The following SUMO2 variants were observed in gnomAD, a reference collection of about 807,000 sequenced individuals.
The protein encoded by SUMO2 is small ubiquitin-related modifier 2.
SUMO2 carries 1 observed loss-of-function variant against 16.0 expected under a neutral mutation model. The observed-to-expected ratio is 0.06, with a 90% CI of 0.02 to 0.30. The LOEUF (loss-of-function observed/expected upper bound fraction) is 0.30, where lower values mean the gene tolerates loss of function less well. SUMO2 is among the 10% of genes least tolerant of loss of function. The probability of loss-of-function intolerance (pLI) is 1.00; values close to 1 mark genes in which losing one functional copy is unlikely to be tolerated. For missense variants in SUMO2, 16 were observed against 117.5 expected (o/e 0.14, Z 3.99); for synonymous variants, 36 against 40.6 (o/e 0.89, Z 0.43).
rs564712196 is a variant in SUMO2, at chr17:75,170,882, A to T, written c.226-2481T>A. The stretch of plus-strand genomic sequence containing the variant: ...AAAAAAAAAAAAACCCAAATTAATA[A>T]AACATAGTATGCTCAGATATTAAAT... On this transcript the variant is annotated intron_variant, in intron 3 of 3. Coordinates refer to ENST00000420826, the MANE Select transcript of SUMO2 (RefSeq NM_006937.4). Among the ~76,000 whole-genome samples the T allele has an allele frequency of 1.8e-3, 280 of 151,982 alleles. 3 individuals are homozygous for T. Among genetic ancestry groups the T allele is most frequent in the African/African-American group, 6.4e-3 (265 of 41,488 alleles).
chr17:75,177,161 A>G (rs374915086), intron 2 of SUMO2, among the ~76,000 whole-genome samples: 1 of 149,342 alleles, frequency 6.7e-6, no homozygotes, highest in South Asian at 2.1e-4. Context: ...CAAGAGCGAG[A>G]CTCTTGTCTC....
intron 2 of SUMO2, among the ~76,000 whole-genome samples, chr17:75,178,446 AG>A (rs2074801135): frequency 6.7e-6 from 1 of 148,632 alleles, no homozygotes; most frequent in South Asian, 2.2e-4. Flanking sequence ...CCCAGGAGGC[AG>A]AGGTTGCAGT....
intron 3 of SUMO2, among the ~76,000 whole-genome samples, chr17:75,168,609 TTTTTG>T (rs1370488648): frequency 6.6e-6 from 1 of 151,144 alleles, no homozygotes; most frequent in Admixed American, 6.6e-5. Flanking sequence ...AGATAAAACT[TTTTTG>T]TTTTTTTTTT....
rs1437006806 is a variant in SUMO2, at chr17:75,168,193, G to A, written c.*146C>T. Reference sequence around the variant, plus strand: ...ACCAGTTACTTTATGTACAATAAAGGAATGGGGAAGGGGGAAATGAAAGAA... The same window carrying A: ...ACCAGTTACTTTATGTACAATAAAGAAATGGGGAAGGGGGAAATGAAAGAA... On this transcript the variant is annotated 3_prime_UTR_variant, in exon 4 of 4. Coordinates refer to ENST00000420826, the MANE Select transcript of SUMO2 (RefSeq NM_006937.4). The A allele has an allele frequency of 6.2e-6, 4 of 644,932 alleles. No individual in the cohort carries two copies. Among genetic ancestry groups the A allele is most frequent in the Middle Eastern group, 4.6e-4 (1 of 2,196 alleles). The allele number at this position is 644,932 out of a possible 1,614,324, so 40.0% of individuals were successfully genotyped here. A position where few individuals can be genotyped will look rare whatever the true frequency, so the allele number is the denominator to read the frequency against.
At chr17:75,177,622 C>T (rs945649797) in intron 2 of SUMO2, among the ~76,000 whole-genome samples, 5 of 151,492 alleles carry the variant, frequency 3.3e-5, no homozygotes, top group African/African-American at 7.3e-5. Flanking sequence ...GCGGAGGTTC[C>T]AGTAAGCCTA....
intron 3 of SUMO2, among the ~76,000 whole-genome samples, chr17:75,170,851 CA>C (rs961499902): frequency 0.021 from 1,214 of 58,966 alleles, 11 homozygotes; most frequent in African/African-American, 0.058. Context: ...CTCCAGGTCT[CA>C]AAAAAAAAAA....
Position 75,174,214 on chromosome 17 carries a change from AC to A in SUMO2, c.225+537del, listed in dbSNP as rs1186930845. Among the ~76,000 whole-genome samples, 29 of 151,614 alleles carry A rather than the reference AC, an allele frequency of 1.9e-4. No homozygotes were observed. In the Middle Eastern group the frequency reaches 0.017, roughly 91 times the overall value. On this transcript the variant is annotated intron_variant, in intron 3 of 3. Transcript: ENST00000420826. ...AGACCAGCCTGGCCAACATGGTGAA[AC>A]CCCATCCCTACCAAAAATACAAAAA...
At chr17:75,180,231 C>T (rs1302427409) in intron 2 of SUMO2, among the ~76,000 whole-genome samples, 1 of 151,204 alleles carries the variant, frequency 6.6e-6, no homozygotes, top group African/African-American at 2.4e-5. Context: ...TAAGAATAGC[C>T]TCAACTCAGG....
intron 3 of SUMO2, among the ~76,000 whole-genome samples, chr17:75,169,653 G>C (rs1000621831): frequency 1.9e-4 from 29 of 151,950 alleles, no homozygotes; most frequent in African/African-American, 6.0e-4. Context: ...AAAATGCTGG[G>C]ATTATAGGCG....
intron 2 of SUMO2, among the ~76,000 whole-genome samples, chr17:75,180,710 CAAAA>C (rs1295985463): frequency 6.6e-6 from 1 of 151,428 alleles, no homozygotes; most frequent in African/African-American, 2.4e-5. Flanking sequence ...AACTCCATCT[CAAAA>C]AAATAAAATA....
rs2074706928 is a variant in SUMO2 at position 75,168,072 on chromosome 17, AT to A, written c.*266del. ...AAGGGGGTATTTTCACAGAATCAGT[AT>A]TTTTCCCCATCCCGTCTCCACTTGA... On this transcript the variant is annotated 3_prime_UTR_variant, in exon 4 of 4. Coordinates refer to ENST00000420826, the MANE Select transcript of SUMO2 (RefSeq NM_006937.4). 2 of 308,844 alleles carry A rather than the reference AT, an allele frequency of 6.5e-6. No individual in the cohort carries two copies. Among genetic ancestry groups the A allele is most frequent in the African/African-American group, 4.4e-5 (2 of 45,856 alleles). 19.1% of individuals were successfully genotyped at this position (308,844 alleles called of 1,614,324 possible).
chr17:75,174,864 ACAGAATT>A, intron 2 of SUMO2, 41 bp from the exon 3 acceptor site: 1 of 1,553,592 alleles, frequency 6.4e-7, no homozygotes, highest in Non-Finnish European at 8.8e-7. Context: ...ATTAAGAGAA[ACAGAATT>A]CTATTTACAT....
chr17:75,171,084 G>C lies in SUMO2; in HGVS notation c.226-2683C>G, dbSNP rs574942737. ...AAGGGGCAGTTAAAAAAAAAAAAAAGTACACCCCAAGGAGCAAAGCAGCTT... is the reference window on the plus strand; with the variant it reads ...AAGGGGCAGTTAAAAAAAAAAAAAACTACACCCCAAGGAGCAAAGCAGCTT... On this transcript the variant is annotated intron_variant, in intron 3 of 3. Coordinates refer to ENST00000420826, the MANE Select transcript of SUMO2 (RefSeq NM_006937.4). Among the ~76,000 whole-genome samples, 13 of 149,856 alleles carry C rather than the reference G, an allele frequency of 8.7e-5. No individual in the cohort carries two copies. The South Asian group carries it at 2.1e-3, about 24-fold the overall frequency.
At chr17:75,180,419 A>AAC (rs1394671352) in intron 2 of SUMO2, among the ~76,000 whole-genome samples, 1 of 144,116 alleles carries the variant, frequency 6.9e-6, no homozygotes, top group Non-Finnish European at 1.5e-5. Flanking sequence ...AAAAAAAAAA[A>AAC]AACGACTTCT....
At chr17:75,177,509 C>T (rs1053181028) in intron 2 of SUMO2, among the ~76,000 whole-genome samples, 2 of 151,732 alleles carry the variant, frequency 1.3e-5, no homozygotes, top group Non-Finnish European at 2.9e-5. Context: ...ATGGTGAAGC[C>T]CCGTCTCTAC....
At chr17:75,172,538 TG>T (rs1407069557) in intron 3 of SUMO2, among the ~76,000 whole-genome samples, 1 of 148,856 alleles carries the variant, frequency 6.7e-6, no homozygotes, top group African/African-American at 2.5e-5. Context: ...TCGAGTGCAA[TG>T]GCGTGATCTC....
intron 3 of SUMO2, among the ~76,000 whole-genome samples, chr17:75,171,345 CAAATA>C (rs1372819132): frequency 4.0e-5 from 6 of 151,320 alleles, no homozygotes; most frequent in African/African-American, 7.3e-5. Context: ...ACAACATAAA[CAAATA>C]AAATAAAAAC....
chr17:75,180,392 TAAAAAAAAAAAAAAAA>T lies in SUMO2; in HGVS notation c.153+649_153+664del, dbSNP rs58684188. Reference sequence around the variant, plus strand: ...AAGAAATAGAGTGAGACTCCCAGCTTAAAAAAAAAAAAAAAAAAAAAAAAAAAAACGACTTCTTGGT... The same window carrying T: ...AAGAAATAGAGTGAGACTCCCAGCTTAAAAAAAAAAAAACGACTTCTTGGT... On this transcript the variant is annotated intron_variant, in intron 2 of 3. Coordinates refer to ENST00000420826, the MANE Select transcript of SUMO2 (RefSeq NM_006937.4). 5.1e-3 allele frequency among the ~76,000 whole-genome samples: 228 copies of T among 44,878 alleles called. 4 individuals are homozygous for T. Among genetic ancestry groups the T allele is most frequent in the African/African-American group, 0.018 (222 of 12,226 alleles). The allele number at this position is 44,878 out of a possible 152,430, so 29.4% of individuals were successfully genotyped here.
At chr17:75,172,113 C>T (rs144972649) in intron 3 of SUMO2, among the ~76,000 whole-genome samples, 1,628 of 151,616 alleles carry the variant, frequency 0.011, 81 homozygotes, top group Admixed American at 0.082. Flanking sequence ...ACACCTTTCC[C>T]CCGCCCAGAT....
Sources: allele counts gnomAD v4.1 joint callset (sites outside exome capture counted in the v4.1 genomes callset), GRCh38; gene constraint gnomAD v4.1.1; transcripts MANE v1.5; gene names NCBI Gene and HGNC (gene_info 2026-07-23, HGNC 2026-07-21).